CCAR1: variants seen among roughly 807,000 people sequenced by gnomAD.
The protein encoded by CCAR1 is cell division cycle and apoptosis regulator 1, also known as cell division cycle and apoptosis regulator protein 1.
A neutral mutation model predicts 163.8 loss-of-function variants in CCAR1; 78 were observed. The ratio of observed to expected loss-of-function variants is 0.48; its 90% CI spans 0.40 to 0.57. CCAR1 has a LOEUF of 0.57. Among genes scored for constraint, CCAR1 ranks in the 20% least tolerant of loss-of-function variants. The probability of loss-of-function intolerance (pLI) is 0.00; values close to 1 mark genes in which losing one functional copy is unlikely to be tolerated. For synonymous variants in CCAR1, 443 were observed against 460.7 expected, an observed-to-expected ratio of 0.96 and a Z score of 0.49; for missense variants, 1,019 against 1,365.2, an observed-to-expected ratio of 0.75 and a Z score of 4.00.
intron 8 of CCAR1, 53 bp from the exon 9 acceptor site, chr10:68,749,083 C>G: frequency 6.2e-7 from 1 of 1,606,428 alleles, no homozygotes; most frequent in South Asian, 1.1e-5. Context: ...TCAGGTAATG[C>G]CTTCGAACTT....
At chr10:68,741,203 C>T (rs916912036) in intron 5 of CCAR1, among the ~76,000 whole-genome samples, 1 of 152,074 alleles carries the variant, frequency 6.6e-6, no homozygotes, top group Non-Finnish European at 1.5e-5. Context: ...CAGGTGCGAG[C>T]CACCATGCCC....
chr10:68,779,144 A>C (rs929579194), intron 19 of CCAR1, among the ~76,000 whole-genome samples: 1 of 151,846 alleles, frequency 6.6e-6, no homozygotes, highest in East Asian at 1.9e-4. Context: ...TGCCTGGCTG[A>C]GACTACACTT....
intron 19 of CCAR1, among the ~76,000 whole-genome samples, chr10:68,781,841 A>T (rs1243129584): frequency 1.2e-5 from 1 of 80,088 alleles, no homozygotes; most frequent in Non-Finnish European, 3.2e-5. Context: ...ACAGGGCAAC[A>T]CTCTGTCTCA....
Position 68,722,588 on chromosome 10 carries a change from TA to T in CCAR1, c.73+14del. 6.3e-7 allele frequency: 1 copy of T among 1,593,894 alleles called. No individual in the cohort carries two copies. Among genetic ancestry groups the T allele is most frequent in the South Asian group, 1.1e-5 (1 of 90,668 alleles). On this transcript the variant is annotated intron_variant, in intron 2 of 24. Transcript: ENST00000265872. ...CAGTATCACAGCCAGGTCAGGCTTC[TA>T]AATACATGTACTGTAATTGTTTGTG...
intron 2 of CCAR1, among the ~76,000 whole-genome samples, chr10:68,726,134 GAAAT>G (rs1403001742): frequency 2.2e-5 from 3 of 133,598 alleles, no homozygotes; most frequent in African/African-American, 8.2e-5. Flanking sequence ...AAAAAAAAAA[GAAAT>G]GGGTACTTCA....
intron 19 of CCAR1, among the ~76,000 whole-genome samples, chr10:68,774,529 G>A (rs2056640171): frequency 6.6e-6 from 1 of 151,830 alleles, no homozygotes; most frequent in Admixed American, 6.6e-5. Flanking sequence ...TTCTGGGGAG[G>A]CTGAGGCGGG....
At chr10:68,760,582 C>T (rs191362607) in intron 15 of CCAR1, among the ~76,000 whole-genome samples, 7 of 152,170 alleles carry the variant, frequency 4.6e-5, no homozygotes, top group Admixed American at 3.3e-4. Context: ...AAAAGTCACA[C>T]GAAAGGCTGG....
chr10:68,722,323 T>A (rs2055870734), intron 1 of CCAR1, 132 bp from the exon 2 acceptor site: 1 of 593,612 alleles, frequency 1.7e-6, no homozygotes, highest in Non-Finnish European at 3.0e-6. Context: ...CTTTTTCTAC[T>A]TAACAGTTGT....
At chr10:68,779,574 A>T (rs1056340012) in intron 19 of CCAR1, among the ~76,000 whole-genome samples, 6 of 152,074 alleles carry the variant, frequency 3.9e-5, no homozygotes, top group African/African-American at 1.4e-4. Context: ...TTTTCTTATC[A>T]AGTTAATGAA....
At chr10:68,724,881 G>A (rs927959412) in intron 2 of CCAR1, among the ~76,000 whole-genome samples, 22 of 152,316 alleles carry the variant, frequency 1.4e-4, no homozygotes, top group African/African-American at 5.3e-4. Context: ...GCTCACTCCT[G>A]TAATCCCAGC....
chr10:68,746,315 C>T (rs1447931424), intron 6 of CCAR1, among the ~76,000 whole-genome samples: 4 of 152,016 alleles, frequency 2.6e-5, no homozygotes, highest in Admixed American at 2.0e-4. Flanking sequence ...CTCACTCTAT[C>T]GCCCAGGCTG....
chr10:68,724,469 A>G (rs1174319402), intron 2 of CCAR1, among the ~76,000 whole-genome samples: 1 of 152,112 alleles, frequency 6.6e-6, no homozygotes, highest in Non-Finnish European at 1.5e-5. Flanking sequence ...TCCCCAAAAA[A>G]ATTGAGTCGG....
intron 15 of CCAR1, among the ~76,000 whole-genome samples, chr10:68,758,089 G>C (rs2056418463): frequency 6.6e-6 from 1 of 151,912 alleles, no homozygotes; most frequent in African/African-American, 2.4e-5. Flanking sequence ...GAGTCTTGCT[G>C]TGTTTCCCAG....
chr10:68,779,486 C>T (rs1456386296), intron 19 of CCAR1, among the ~76,000 whole-genome samples: 8 of 151,192 alleles, frequency 5.3e-5, no homozygotes, highest in African/African-American at 1.5e-4. Context: ...CTCGAACTCC[C>T]GACCTCAGGT....
intron 1 of CCAR1, chr10:68,721,572 G>A (rs2055857573): frequency 4.4e-6 from 2 of 449,908 alleles, no homozygotes. Flanking sequence ...CATTGCTCCC[G>A]AGCCGCTGCG....
At chr10:68,748,806 T>C (rs1023139167) in intron 8 of CCAR1, among the ~76,000 whole-genome samples, 1 of 152,064 alleles carries the variant, frequency 6.6e-6, no homozygotes, top group Non-Finnish European at 1.5e-5. Context: ...CTCGACCTCC[T>C]GGCCTTAAGG....
Position 68,747,146 on chromosome 10 carries a change from T to TC in CCAR1, c.519-15_519-14insC. The TC allele has an allele frequency of 1.8e-6, 1 of 560,562 alleles. No homozygotes were observed. The highest frequency in any genetic ancestry group is 4.7e-5 in the Admixed American group (1 of 21,494). 34.7% of individuals were successfully genotyped at this position (560,562 alleles called of 1,614,324 possible). A position where few individuals can be genotyped will look rare whatever the true frequency, so the allele number is the denominator to read the frequency against. Reference sequence around the variant, plus strand: ...GTATTTATATTTAACTTTTTTTTTCTTTTTTTTTTTACAGTGCTGTCAAAG... The same window carrying TC: ...GTATTTATATTTAACTTTTTTTTTCTCTTTTTTTTTTACAGTGCTGTCAAAG... On this transcript the variant is annotated splice_polypyrimidine_tract_variant and intron_variant, in intron 6 of 24. Coordinates refer to ENST00000265872, the MANE Select transcript of CCAR1 (RefSeq NM_018237.4).
At chr10:68,730,267 T>C (rs2056017988) in intron 2 of CCAR1, among the ~76,000 whole-genome samples, 1 of 150,990 alleles carries the variant, frequency 6.6e-6, no homozygotes, top group Non-Finnish European at 1.5e-5. Flanking sequence ...ATTATGTTAA[T>C]AGTATATTAT....
chr10:68,748,141 G>A (rs960572200), intron 8 of CCAR1, among the ~76,000 whole-genome samples: 20 of 152,264 alleles, frequency 1.3e-4, no homozygotes, highest in Non-Finnish European at 2.2e-4. Context: ...GGCTTGAGCC[G>A]CTGCACCCGG....
Sources: allele counts gnomAD v4.1 joint callset (sites outside exome capture counted in the v4.1 genomes callset), GRCh38; gene constraint gnomAD v4.1.1; transcripts MANE v1.5; gene names NCBI Gene and HGNC (gene_info 2026-07-23, HGNC 2026-07-21).